The following ARHGEF7 variants were observed in gnomAD, a reference collection of about 807,000 sequenced individuals.
The protein encoded by ARHGEF7 is PAK-interacting exchange factor beta.
Under a neutral mutation model 109.8 loss-of-function variants are expected in ARHGEF7, and 33 were observed. That is an observed-to-expected ratio of 0.30 (90% CI 0.23 to 0.40). ARHGEF7 has a LOEUF of 0.40. Among genes scored for constraint, ARHGEF7 ranks in the 10% least tolerant of loss-of-function variants. The pLI, the probability that ARHGEF7 is intolerant of heterozygous loss-of-function variation, is 1.00. For missense variants in ARHGEF7, 938 were observed against 1,098.5 expected (o/e 0.85, Z 2.07); for synonymous variants, 458 against 424.6 (o/e 1.08, Z -0.97).
rs73622163 is a variant in ARHGEF7 at position 111,272,048 on chromosome 13, G to T, written c.1074-1766G>T. ...GAGATGTAAGTGGCCTTCTCAGAAG[G>T]TCTTACGTGCTTAGGAAGTGGAAGG... On this transcript the variant is annotated intron_variant, in intron 9 of 21. Coordinates refer to ENST00000646102, the MANE Select transcript of ARHGEF7 (RefSeq NM_001354046.2). This position sits in a 1 kb window ranked among gnomAD's most constrained non-coding sequence, Gnocchi z 5.2. Among the ~76,000 whole-genome samples, 1,414 of 152,324 alleles carry T rather than the reference G, an allele frequency of 9.3e-3. 21 individuals carry two copies. Among genetic ancestry groups the T allele is most frequent in the African/African-American group, 0.033 (1,353 of 41,568 alleles).
chr13:111,295,263 T>C (rs2093402120), intron 19 of ARHGEF7: 1 of 935,422 alleles, frequency 1.1e-6, no homozygotes, highest in Non-Finnish European at 1.3e-6. Context: ...ATAATTTGGC[T>C]CTTCTACCTG....
At chr13:111,222,322 T>C (rs2084550774) in intron 5 of ARHGEF7, among the ~76,000 whole-genome samples, 1 of 152,190 alleles carries the variant, frequency 6.6e-6, no homozygotes, top group Admixed American at 6.5e-5. Flanking sequence ...TTGCTAAACT[T>C]TATCTGATGG....
chr13:111,292,242 T>C lies in ARHGEF7; in HGVS notation c.2259T>C (p.Ser753=). The C allele has an allele frequency of 3.1e-6, 5 of 1,614,234 alleles. No homozygotes were observed. The highest frequency in any genetic ancestry group is 1.3e-5 in the African/African-American group (1 of 75,074). The stretch of plus-strand genomic sequence containing the variant: ...AGCCTTCAGACCTCTCGGAAGACTC[T>C]GACTATGACAGTATATGGACAGCCC... ...RLEPSDLSED[S]DYDSIWTAHS... is the part of the protein sequence containing the mutation. The change falls in exon 19 of 22, where the codon TCT becomes TCC. Residue 753 remains serine, a synonymous_variant. Transcript: ENST00000646102.
intron 2 of ARHGEF7, chr13:111,182,357 C>T (rs2153431471): frequency 6.5e-6 from 1 of 152,732 alleles, no homozygotes; most frequent in East Asian, 1.9e-4. Flanking sequence ...AGTGGACCTT[C>T]AAGCTGCCTT....
intron 1 of ARHGEF7, among the ~76,000 whole-genome samples, chr13:111,143,379 A>G (rs1160366295): frequency 1.3e-5 from 2 of 152,208 alleles, no homozygotes; most frequent in African/African-American, 4.8e-5. Context: ...AGCCTTCTCC[A>G]TAGGTGTCTT....
At chr13:111,133,412 G>A (rs1167540386) in intron 1 of ARHGEF7, among the ~76,000 whole-genome samples, 1 of 152,022 alleles carries the variant, frequency 6.6e-6, no homozygotes, top group Non-Finnish European at 1.5e-5. Context: ...GTATATGTAT[G>A]CACATATATA....
intron 1 of ARHGEF7, among the ~76,000 whole-genome samples, chr13:111,138,429 C>T (rs766538092): frequency 4.2e-4 from 63 of 151,702 alleles, no homozygotes; most frequent in African/African-American, 1.5e-3. Context: ...TGCAGTGAGC[C>T]GAGATCACAC....
intron 1 of ARHGEF7, chr13:111,144,057 CAG>C (rs1302336735): frequency 1.3e-5 from 2 of 152,222 alleles, no homozygotes; most frequent in African/African-American, 4.8e-5. Context: ...AACCAAGCCT[CAG>C]GGGATGCATG....
rs866812702 is a variant in ARHGEF7 at position 111,293,450 on chromosome 13, A to C, written c.2311+1156A>C. 3,145 of 985,244 alleles carry C rather than the reference A, an allele frequency of 3.2e-3. 77 individuals carry two copies. In the African/African-American group the frequency reaches 0.049, roughly 15 times the overall value. 61.0% of individuals were successfully genotyped at this position (985,244 alleles called of 1,614,324 possible). On this transcript the variant is annotated intron_variant, in intron 19 of 21. Coordinates refer to ENST00000646102, the MANE Select transcript of ARHGEF7 (RefSeq NM_001354046.2). ...GCTCACTTATTTAAAAAAAAAAAAA[A>C]AAAACTCACCCGTTTTCCTGGGATT...
At chr13:111,251,833 G>C (rs1308427051) in intron 8 of ARHGEF7, among the ~76,000 whole-genome samples, 1 of 152,202 alleles carries the variant, frequency 6.6e-6, no homozygotes, top group Non-Finnish European at 1.5e-5. Flanking sequence ...GAACCAGGAA[G>C]TGTGGGTCAC....
intron 1 of ARHGEF7, among the ~76,000 whole-genome samples, chr13:111,134,283 T>C (rs1160278240): frequency 6.6e-6 from 1 of 152,184 alleles, no homozygotes; most frequent in East Asian, 1.9e-4. Context: ...AGCAGCATGA[T>C]TTATATTCCT....
intron 6 of ARHGEF7, among the ~76,000 whole-genome samples, chr13:111,235,652 C>A (rs1203946935): frequency 6.6e-6 from 1 of 152,202 alleles, no homozygotes; most frequent in Non-Finnish European, 1.5e-5. Flanking sequence ...AAGCTAAATG[C>A]CTTGTCCAAG....
rs1419124668 is a variant in ARHGEF7 at position 111,221,363 on chromosome 13, A to G, written c.670+3483A>G. Among the ~76,000 whole-genome samples, 11 of 35,960 alleles carry G rather than the reference A, an allele frequency of 3.1e-4. 3 individuals are homozygous for G. The highest frequency in any genetic ancestry group is 7.8e-4 in the African/African-American group (9 of 11,478). 23.6% of individuals were successfully genotyped at this position (35,960 alleles called of 152,430 possible). ...TATCTATATATATGTCTATATATAT[A>G]TCTATATATATATCTATATATATAG... On this transcript the variant is annotated intron_variant, in intron 5 of 21. Transcript: ENST00000646102.
chr13:111,277,064 G>A (rs531007387), intron 12 of ARHGEF7, among the ~76,000 whole-genome samples: 2 of 152,286 alleles, frequency 1.3e-5, no homozygotes, highest in African/African-American at 4.8e-5. Flanking sequence ...GGAGGTTTGG[G>A]AAGTGCCAGG....
chr13:111,187,740 G>A (rs1167217257), intron 2 of ARHGEF7, among the ~76,000 whole-genome samples: 1 of 152,136 alleles, frequency 6.6e-6, no homozygotes, highest in African/African-American at 2.4e-5. Flanking sequence ...CTAATATCGG[G>A]GTATCAGTAG....
intron 5 of ARHGEF7, among the ~76,000 whole-genome samples, chr13:111,231,742 G>A (rs1039915512): frequency 1.3e-5 from 2 of 152,190 alleles, no homozygotes; most frequent in African/African-American, 2.4e-5. Flanking sequence ...GGAGAGGAGA[G>A]CAGAAGGCAT....
intron 8 of ARHGEF7, among the ~76,000 whole-genome samples, chr13:111,245,310 G>C (rs761319269): frequency 4.9e-4 from 74 of 152,128 alleles, no homozygotes; most frequent in Non-Finnish European, 8.8e-4. Context: ...GGAACTTCTC[G>C]GTCCAACCAC....
At chr13:111,246,026 A>G (rs963119641) in intron 8 of ARHGEF7, among the ~76,000 whole-genome samples, 2 of 152,142 alleles carry the variant, frequency 1.3e-5, no homozygotes, top group South Asian at 2.1e-4. Context: ...CACTTTTCCA[A>G]AATTTTCCTT....
intron 2 of ARHGEF7, chr13:111,182,120 G>A (rs976956834): frequency 2.6e-5 from 4 of 152,190 alleles, no homozygotes; most frequent in Non-Finnish European, 4.4e-5. Flanking sequence ...TGGAGACCAG[G>A]AGGGTGAGAA....
Sources: gnomAD v4.1 joint callset for allele counts (sites outside exome capture counted in the v4.1 genomes callset) on GRCh38, gnomAD v4.1.1 for gene constraint, Gnocchi (gnomAD v3.1) non-coding constraint, MANE v1.5 for transcripts, NCBI Gene and HGNC (gene_info 2026-07-23, HGNC 2026-07-21) for gene names.